The following EHBP1 variants were observed in gnomAD, a reference collection of about 807,000 sequenced individuals.
EHBP1 encodes EH domain-binding protein 1.
A neutral mutation model predicts 144.0 loss-of-function variants in EHBP1; 55 were observed. The observed-to-expected ratio is 0.38, with a 90% CI of 0.31 to 0.48. The LOEUF (loss-of-function observed/expected upper bound fraction) is 0.48. EHBP1 is among the 20% of genes least tolerant of loss of function. The pLI is 0.98. For synonymous variants in EHBP1, 469 were observed against 472.7 expected (o/e 0.99, Z 0.10); for missense variants, 1,200 against 1,364.2 (o/e 0.88, Z 1.90).
chr2:62,677,101 G>A (rs2033327066), intron 1 of EHBP1, among the ~76,000 whole-genome samples: 1 of 152,144 alleles, frequency 6.6e-6, no homozygotes, highest in Non-Finnish European at 1.5e-5. Flanking sequence ...CAAGGGGAAA[G>A]AGAAAGATCA....
rs368113930 is a variant in EHBP1 at position 62,833,530 on chromosome 2, G to A, written c.634+2372G>A. On this transcript the variant is annotated intron_variant, in intron 7 of 22. Coordinates refer to ENST00000431489, the MANE Select transcript of EHBP1 (RefSeq NM_001142616.3). ...TCTTGTTAGCACATCTTTTTATCGC[G>A]TGGTTTACTGAATATTTTAAGACCA... 1.1e-3 allele frequency among the ~76,000 whole-genome samples: 167 copies of A among 152,288 alleles called. 1 individual carries two copies. Among genetic ancestry groups the A allele is most frequent in the South Asian group, 2.3e-3 (11 of 4,830 alleles).
chr2:62,683,329 T>G (rs1264206220), intron 1 of EHBP1, among the ~76,000 whole-genome samples: 1 of 152,104 alleles, frequency 6.6e-6, no homozygotes, highest in Non-Finnish European at 1.5e-5. Context: ...TTGGCTTGGG[T>G]CATGTGCCCT....
chr2:62,717,834 T>A (rs2035836245), intron 2 of EHBP1, among the ~76,000 whole-genome samples: 1 of 152,120 alleles, frequency 6.6e-6, no homozygotes, highest in South Asian at 2.1e-4. Context: ...TGTTGACTAA[T>A]TTAGGGATAT....
chr2:62,810,619 G>A (rs1485690556), intron 5 of EHBP1, among the ~76,000 whole-genome samples: 11 of 152,180 alleles, frequency 7.2e-5, no homozygotes, highest in Admixed American at 4.6e-4. Flanking sequence ...TGCTTAGATC[G>A]GGAGCTCAGG....
intron 19 of EHBP1, among the ~76,000 whole-genome samples, chr2:62,997,534 A>G (rs1362748134): frequency 6.6e-6 from 1 of 151,752 alleles, no homozygotes; most frequent in East Asian, 1.9e-4. Flanking sequence ...CATTCATACC[A>G]AATTATAAGT....
intron 3 of EHBP1, among the ~76,000 whole-genome samples, chr2:62,755,113 A>G (rs1349188546): frequency 1.3e-5 from 2 of 152,082 alleles, no homozygotes; most frequent in East Asian, 3.9e-4. Flanking sequence ...AGCTGTTCCT[A>G]TTTGGCCATC....
chr2:62,813,783 T>G (rs1343002205), intron 5 of EHBP1, among the ~76,000 whole-genome samples: 1 of 152,230 alleles, frequency 6.6e-6, no homozygotes, highest in African/African-American at 2.4e-5. Context: ...CTCTGGGAAC[T>G]AGTTACTCCT....
chr2:62,775,059 C>T lies in EHBP1; in HGVS notation c.312+3667C>T, dbSNP rs534304337. On this transcript the variant is annotated intron_variant, in intron 5 of 22. Coordinates refer to ENST00000431489, the MANE Select transcript of EHBP1 (RefSeq NM_001142616.3). ...AAAAAGGAAGAGGGATAAGGATCCCCCGTCTTTATGATTACATAGTTATAA... is the reference window on the plus strand; with the variant it reads ...AAAAAGGAAGAGGGATAAGGATCCCTCGTCTTTATGATTACATAGTTATAA... 1.6e-4 allele frequency among the ~76,000 whole-genome samples: 24 copies of T among 152,106 alleles called. No individual in the cohort carries two copies. In the South Asian group the frequency reaches 4.8e-3, roughly 30 times the overall value.
intron 1 of EHBP1, among the ~76,000 whole-genome samples, chr2:62,681,929 G>A (rs1216412225): frequency 6.6e-6 from 1 of 152,176 alleles, no homozygotes; most frequent in East Asian, 1.9e-4. Context: ...ACTCTGTTCT[G>A]GAAGGCACAT....
chr2:62,748,477 G>A (rs1206635812), intron 3 of EHBP1, among the ~76,000 whole-genome samples: 1 of 151,946 alleles, frequency 6.6e-6, no homozygotes, highest in Non-Finnish European at 1.5e-5. Context: ...AACATAGTGA[G>A]ACCCCATATC....
chr2:62,952,613 T>C (rs1558971982), intron 13 of EHBP1, among the ~76,000 whole-genome samples: 2 of 152,308 alleles, frequency 1.3e-5, no homozygotes, highest in East Asian at 3.9e-4. Context: ...TCTTAGACTT[T>C]ACAACTCATA....
At chr2:62,851,950 G>C (rs1245552734) in intron 7 of EHBP1, among the ~76,000 whole-genome samples, 2 of 152,110 alleles carry the variant, frequency 1.3e-5, no homozygotes, top group Non-Finnish European at 2.9e-5. Flanking sequence ...CCAAAAGCAT[G>C]ATGATGAGGA....
At chr2:62,874,637 T>A in intron 10 of EHBP1, 105 bp downstream of exon 10, 2 of 957,118 alleles carry the variant, frequency 2.1e-6, no homozygotes, top group Non-Finnish European at 3.1e-6. Context: ...TTTGATGATT[T>A]AAAAATAATA....
intron 10 of EHBP1, among the ~76,000 whole-genome samples, chr2:62,929,073 G>A (rs1017501679): frequency 2.0e-5 from 3 of 152,100 alleles, no homozygotes; most frequent in African/African-American, 4.8e-5. Context: ...TAATTCGTAA[G>A]AAGAATGAAT....
intron 10 of EHBP1, among the ~76,000 whole-genome samples, chr2:62,894,495 A>G (rs17407815): frequency 0.013 from 1,943 of 152,232 alleles, 30 homozygotes; most frequent in Non-Finnish European, 0.02. Context: ...TCACTACATG[A>G]GCAAAGAAAG....
chr2:62,929,510 T>C (rs78933858), intron 10 of EHBP1, among the ~76,000 whole-genome samples: 6,040 of 152,218 alleles, frequency 0.04, 167 homozygotes, highest in Non-Finnish European at 0.059. Flanking sequence ...AAGCATTTGA[T>C]AGAATTCTAT....
chr2:62,921,472 C>A (rs556699530), intron 10 of EHBP1, among the ~76,000 whole-genome samples: 2 of 151,280 alleles, frequency 1.3e-5, no homozygotes, highest in African/African-American at 4.9e-5. Flanking sequence ...AAGTAATCCC[C>A]ATGATAACCA....
At chr2:62,819,235 G>A (rs2045690558) in intron 5 of EHBP1, among the ~76,000 whole-genome samples, 1 of 152,160 alleles carries the variant, frequency 6.6e-6, no homozygotes, top group African/African-American at 2.4e-5. Flanking sequence ...CCTCATAAGA[G>A]ATTAAAGTTT....
At chr2:62,796,756 G>C (rs1340293493) in intron 5 of EHBP1, among the ~76,000 whole-genome samples, 1 of 151,340 alleles carries the variant, frequency 6.6e-6, no homozygotes, top group Non-Finnish European at 1.5e-5. Flanking sequence ...CCTGTGGATT[G>C]TGTGTTGTTC....
Sources: allele counts gnomAD v4.1 joint callset (sites outside exome capture counted in the v4.1 genomes callset), GRCh38; gene constraint gnomAD v4.1.1; transcripts MANE v1.5; gene names NCBI Gene and HGNC (gene_info 2026-07-23, HGNC 2026-07-21).